Variants in LRP1B observed in about 807,000 individuals in gnomAD.
LRP1B encodes LDL receptor related protein 1B, also known as low-density lipoprotein receptor-related protein 1B.
Under a neutral mutation model 556.6 loss-of-function variants are expected in LRP1B, and 217 were observed. That is an observed-to-expected ratio of 0.39 (90% CI 0.35 to 0.44). The LOEUF is 0.44. LRP1B is among the 20% of genes least tolerant of loss of function. LRP1B has a pLI of 1.00. For synonymous variants in LRP1B, 2,047 were observed against 1,865.8 expected (o/e 1.10, Z -2.50); for missense variants, 5,053 against 5,620.8 (o/e 0.90, Z 3.23).
chr2:141,210,327 A>T (rs1190735294), intron 6 of LRP1B, among the ~76,000 whole-genome samples: 1 of 151,584 alleles, frequency 6.6e-6, no homozygotes, highest in Non-Finnish European at 1.5e-5. Flanking sequence ...GACAATAATT[A>T]TACTTAAAGA....
At chr2:141,781,773 A>T (rs1329009631) in intron 2 of LRP1B, among the ~76,000 whole-genome samples, 1 of 152,186 alleles carries the variant, frequency 6.6e-6, no homozygotes, top group Non-Finnish European at 1.5e-5. Flanking sequence ...ATTTTCCAAG[A>T]TAAAAATTTT....
intron 23 of LRP1B, among the ~76,000 whole-genome samples, chr2:140,900,050 G>A (rs1694060388): frequency 6.6e-6 from 1 of 152,024 alleles, no homozygotes; most frequent in Non-Finnish European, 1.5e-5. Context: ...CTTTGTTATA[G>A]GACAGTCATC....
intron 66 of LRP1B, among the ~76,000 whole-genome samples, chr2:140,410,517 T>G (rs1311906732): frequency 6.6e-6 from 1 of 151,770 alleles, no homozygotes; most frequent in Non-Finnish European, 1.5e-5. Context: ...AGAATCATAT[T>G]TATCAGAGAG....
intron 1 of LRP1B, among the ~76,000 whole-genome samples, chr2:141,973,922 G>C (rs1396562364): frequency 6.6e-6 from 1 of 151,750 alleles, no homozygotes; most frequent in Non-Finnish European, 1.5e-5. Context: ...AACCTTCAAT[G>C]ACTCTCTAAA....
chr2:140,833,022 T>C (rs942930223), intron 31 of LRP1B, among the ~76,000 whole-genome samples: 6 of 152,096 alleles, frequency 3.9e-5, no homozygotes, highest in African/African-American at 1.4e-4. Context: ...TATATATCAG[T>C]TAGAAAAAGA....
chr2:140,679,772 C>T (rs930506720), intron 41 of LRP1B, among the ~76,000 whole-genome samples: 1 of 152,120 alleles, frequency 6.6e-6, no homozygotes, highest in African/African-American at 2.4e-5. Context: ...ATCAAACCCA[C>T]CAAGATCCCA....
intron 35 of LRP1B, among the ~76,000 whole-genome samples, chr2:140,744,361 T>C (rs393182): frequency 0.93 from 140,946 of 152,188 alleles, 65,432 homozygotes; most frequent in Non-Finnish European, 0.96. Flanking sequence ...GGAAAATTCG[T>C]ATTTTGATCT....
intron 25 of LRP1B, among the ~76,000 whole-genome samples, chr2:140,877,447 GTTC>G (rs1321832940): frequency 6.6e-6 from 1 of 152,224 alleles, no homozygotes; most frequent in East Asian, 1.9e-4. Context: ...AGAGACTCAT[GTTC>G]TTCTAAAATG....
chr2:141,096,636 GAGAGAGAGAGAGAGAGAGAGAGA>G (rs1700320778), intron 7 of LRP1B, among the ~76,000 whole-genome samples: 1 of 58,686 alleles, frequency 1.7e-5, no homozygotes, highest in African/African-American at 6.1e-5. Context: ...GGGGGAGAGA[GAGAGAGAGAGAGAGAGAGAGAGA>G]GAGAGAGAGA....
chr2:140,625,353 A>G (rs1269781721), intron 41 of LRP1B, among the ~76,000 whole-genome samples: 1 of 152,226 alleles, frequency 6.6e-6, no homozygotes, highest in Admixed American at 6.5e-5. Flanking sequence ...CACCAAAGTC[A>G]TGATCCAGGA....
chr2:141,787,495 T>C (rs1695463944), intron 2 of LRP1B, among the ~76,000 whole-genome samples: 1 of 151,778 alleles, frequency 6.6e-6, no homozygotes, highest in African/African-American at 2.4e-5. Context: ...CACCAAAGGC[T>C]ACCCATTGTA....
At chr2:140,958,636 A>G (rs1452749085) in intron 18 of LRP1B, among the ~76,000 whole-genome samples, 1 of 151,618 alleles carries the variant, frequency 6.6e-6, no homozygotes, top group Admixed American at 6.6e-5. Flanking sequence ...ATTTCTTAAA[A>G]TGTCCCAGAA....
chr2:141,621,046 T>C (rs2105335586), intron 2 of LRP1B, among the ~76,000 whole-genome samples: 1 of 152,338 alleles, frequency 6.6e-6, no homozygotes, highest in East Asian at 1.9e-4. Context: ...GCTTTTTATT[T>C]ACATCAGCAT....
At position 140,298,811 on chromosome 2, in the gene LRP1B, G is replaced by A. The variant is rs544719937; in HGVS notation, c.12806-842C>T. ...TTCTCTAACTGCTCAGACTGTCAAG[G>A]CCTGAGTACAAAATGAAATATGGAA... On this transcript the variant is annotated intron_variant, in intron 83 of 90. Coordinates refer to ENST00000389484, the MANE Select transcript of LRP1B (RefSeq NM_018557.3). Among the ~76,000 whole-genome samples the A allele has an allele frequency of 1.2e-4, 19 of 152,172 alleles. 1 individual carries two copies. Among genetic ancestry groups the A allele is most frequent in the African/African-American group, 3.9e-4 (16 of 41,512 alleles).
rs74687083 is a variant in LRP1B, at chr2:141,367,203, C to T, written c.344-112562G>A. ...TTATTTATAGTTAACATTAAGTGAG[C>T]TTCACATAATTACACAGCTTGTTAG... On this transcript the variant is annotated intron_variant, in intron 3 of 90. Coordinates refer to ENST00000389484, the MANE Select transcript of LRP1B (RefSeq NM_018557.3). 2.6e-3 allele frequency among the ~76,000 whole-genome samples: 389 copies of T among 152,190 alleles called. 1 individual carries two copies. Among genetic ancestry groups the T allele is most frequent in the African/African-American group, 8.9e-3 (369 of 41,514 alleles).
At chr2:140,255,138 T>C (rs1681619928) in intron 86 of LRP1B, among the ~76,000 whole-genome samples, 2 of 152,204 alleles carry the variant, frequency 1.3e-5, no homozygotes, top group Non-Finnish European at 2.9e-5. Flanking sequence ...TAATTAGTCA[T>C]AAAACTCTTA....
intron 1 of LRP1B, among the ~76,000 whole-genome samples, chr2:141,886,185 C>T (rs1172946024): frequency 6.6e-6 from 1 of 152,124 alleles, no homozygotes; most frequent in Non-Finnish European, 1.5e-5. Context: ...AATGTTCCTA[C>T]ATTCATGCCT....
intron 29 of LRP1B, among the ~76,000 whole-genome samples, chr2:140,841,423 G>T (rs905956971): frequency 1.3e-5 from 2 of 152,134 alleles, no homozygotes; most frequent in African/African-American, 4.8e-5. Context: ...TAGAGTAATA[G>T]CTTCTCCAGT....
Position 141,502,645 on chromosome 2 carries a change from G to A in LRP1B, c.206-22112C>T, listed in dbSNP as rs1392846947. Among the ~76,000 whole-genome samples the A allele has an allele frequency of 3.3e-5, 5 of 152,058 alleles. No homozygotes were observed. In the East Asian group the frequency reaches 7.8e-4, roughly 24 times the overall value. ...GGAGGCTGAGGTGGGCGGATCACGA[G>A]GTGAAGAGATCGAGACCATCCTGGC... On this transcript the variant is annotated intron_variant, in intron 2 of 90. Coordinates refer to ENST00000389484, the MANE Select transcript of LRP1B (RefSeq NM_018557.3).
Sources: allele counts gnomAD v4.1 joint callset (sites outside exome capture counted in the v4.1 genomes callset), GRCh38; gene constraint gnomAD v4.1.1; transcripts MANE v1.5; gene names NCBI Gene and HGNC (gene_info 2026-07-23, HGNC 2026-07-21).